Variants in CNTN5 observed in about 807,000 individuals in gnomAD.
CNTN5 encodes the protein contactin 5.
Under a neutral mutation model 129.1 loss-of-function variants are expected in CNTN5, and 77 were observed. The observed-to-expected ratio is 0.60, with a 90% confidence interval of 0.50 to 0.72. CNTN5 has a LOEUF of 0.72. CNTN5 is among the 30% of genes least tolerant of loss of function. The pLI is 0.00. For synonymous variants in CNTN5, 509 were observed against 465.6 expected, an observed-to-expected ratio of 1.09 and a Z score of -1.20; for missense variants, 1,478 against 1,328.8, an observed-to-expected ratio of 1.11 and a Z score of -1.75.
At position 99,458,096 on chromosome 11, in the gene CNTN5, A is replaced by G. The variant is rs1298309296; in HGVS notation, c.-70-98049A>G. Among the ~76,000 whole-genome samples, 6 of 151,946 alleles carry G rather than the reference A, an allele frequency of 3.9e-5. No homozygotes were observed. The East Asian group carries it at 9.6e-4, about 24-fold the overall frequency. On this transcript the variant is annotated intron_variant, in intron 2 of 24. Transcript: ENST00000524871. ...TTAAATTGTGACAAATTAATAACAA[A>G]GTATTATTTGTATTGCATCTGTTAA...
intron 20 of CNTN5, among the ~76,000 whole-genome samples, chr11:100,306,989 G>A (rs1488213283): frequency 6.6e-6 from 1 of 151,534 alleles, no homozygotes; most frequent in African/African-American, 2.4e-5. Flanking sequence ...CAAAGGTTTG[G>A]CCAAAAGAAA....
At chr11:100,288,667 A>T (rs1231105879) in intron 18 of CNTN5, among the ~76,000 whole-genome samples, 2 of 151,848 alleles carry the variant, frequency 1.3e-5, no homozygotes, top group South Asian at 4.2e-4. Context: ...GAAAGATCCA[A>T]AATTGACACC....
At chr11:99,216,550 A>G (rs1338036137) in intron 1 of CNTN5, among the ~76,000 whole-genome samples, 2 of 152,138 alleles carry the variant, frequency 1.3e-5, no homozygotes. Context: ...GATCTATCAT[A>G]TGCTGGATAA....
At chr11:99,925,829 C>T (rs1950048895) in intron 7 of CNTN5, among the ~76,000 whole-genome samples, 1 of 151,800 alleles carries the variant, frequency 6.6e-6, no homozygotes, top group African/African-American at 2.4e-5. Context: ...TATAAGTAAA[C>T]AAATCCAGAG....
At chr11:99,129,344 A>G (rs538487018) in intron 1 of CNTN5, among the ~76,000 whole-genome samples, 1 of 152,320 alleles carries the variant, frequency 6.6e-6, no homozygotes, top group African/African-American at 2.4e-5. Context: ...CAGGCAGAAG[A>G]GAGACTATCA....
chr11:100,178,521 G>A (rs1237854107), intron 13 of CNTN5, among the ~76,000 whole-genome samples: 2 of 152,132 alleles, frequency 1.3e-5, no homozygotes, highest in Non-Finnish European at 2.9e-5. Context: ...TAAATTGTTA[G>A]GACTTTATGG....
chr11:100,284,622 T>C (rs1201306494), intron 18 of CNTN5, among the ~76,000 whole-genome samples: 1 of 152,242 alleles, frequency 6.6e-6, no homozygotes, highest in East Asian at 1.9e-4. Flanking sequence ...TGTCATTTAA[T>C]TGAATTTTAA....
At chr11:100,013,954 G>T (rs1310780268) in intron 9 of CNTN5, among the ~76,000 whole-genome samples, 1 of 152,104 alleles carries the variant, frequency 6.6e-6, no homozygotes, top group Non-Finnish European at 1.5e-5. Flanking sequence ...AACTAAGCAT[G>T]CTCGTCATGT....
rs144389047 is a variant in CNTN5 at position 99,446,549 on chromosome 11, A to G, written c.-70-109596A>G. Among the ~76,000 whole-genome samples, 560 of 152,322 alleles carry G rather than the reference A, an allele frequency of 3.7e-3. 4 individuals carry two copies. Among genetic ancestry groups the G allele is most frequent in the African/African-American group, 0.013 (532 of 41,574 alleles). On this transcript the variant is annotated intron_variant, in intron 2 of 24. Coordinates refer to ENST00000524871, the MANE Select transcript of CNTN5 (RefSeq NM_014361.4). ...CTGCAAATAATAAAGATGTAAAGTT[A>G]GCCTTGAAATAACCTTGTTTTTATT...
At chr11:99,687,785 G>T (rs145297375) in intron 3 of CNTN5, among the ~76,000 whole-genome samples, 25 of 152,298 alleles carry the variant, frequency 1.6e-4, no homozygotes, top group Middle Eastern at 3.4e-3. Flanking sequence ...AAAAGTCTTG[G>T]TAATATGTCT....
intron 8 of CNTN5, among the ~76,000 whole-genome samples, chr11:99,996,092 C>T (rs1939426924): frequency 6.6e-6 from 1 of 152,112 alleles, no homozygotes; most frequent in Non-Finnish European, 1.5e-5. Flanking sequence ...ACTGACATTG[C>T]CAAATTCCCC....
intron 2 of CNTN5, among the ~76,000 whole-genome samples, chr11:99,533,892 C>T (rs1390095383): frequency 6.6e-6 from 1 of 152,116 alleles, no homozygotes; most frequent in Non-Finnish European, 1.5e-5. Context: ...ATTGCAGGGT[C>T]CATACTCATA....
chr11:99,498,426 T>A (rs1053578438), intron 2 of CNTN5, among the ~76,000 whole-genome samples: 1 of 152,146 alleles, frequency 6.6e-6, no homozygotes, highest in Non-Finnish European at 1.5e-5. Context: ...TTCCAACTAA[T>A]TTTTTTATTC....
chr11:99,753,926 G>C (rs1944323087), intron 3 of CNTN5, among the ~76,000 whole-genome samples: 1 of 149,290 alleles, frequency 6.7e-6, no homozygotes, highest in Non-Finnish European at 1.5e-5. Flanking sequence ...AAGCTCAAGT[G>C]ATCTGCCCGC....
At chr11:99,337,572 C>A (rs991169560) in intron 2 of CNTN5, among the ~76,000 whole-genome samples, 1 of 152,184 alleles carries the variant, frequency 6.6e-6, no homozygotes, top group African/African-American at 2.4e-5. Flanking sequence ...CTGCCCTGGA[C>A]GGACCAGGTG....
chr11:99,954,748 G>A (rs1038177675), intron 7 of CNTN5, among the ~76,000 whole-genome samples: 1 of 152,058 alleles, frequency 6.6e-6, no homozygotes, highest in African/African-American at 2.4e-5. Flanking sequence ...TTTCATTTTT[G>A]GCACTGGCAG....
intron 9 of CNTN5, among the ~76,000 whole-genome samples, chr11:100,007,258 C>T (rs921897664): frequency 1.3e-5 from 2 of 151,996 alleles, no homozygotes; most frequent in Non-Finnish European, 2.9e-5. Context: ...TGAGCATTGG[C>T]TTCAGATTCA....
chr11:99,676,436 C>T (rs975723650), intron 3 of CNTN5, among the ~76,000 whole-genome samples: 4 of 152,140 alleles, frequency 2.6e-5, no homozygotes, highest in African/African-American at 9.7e-5. Context: ...CTTTTTGTCA[C>T]ATTATGGGAT....
At chr11:99,490,700 A>G (rs189818562) in intron 2 of CNTN5, among the ~76,000 whole-genome samples, 3 of 152,278 alleles carry the variant, frequency 2.0e-5, no homozygotes, top group Non-Finnish European at 2.9e-5. Context: ...GATGTCCCCA[A>G]AGAAACCAGA....
Sources: gnomAD v4.1 joint callset for allele counts (sites outside exome capture counted in the v4.1 genomes callset) on GRCh38, gnomAD v4.1.1 for gene constraint, MANE v1.5 for transcripts, NCBI Gene and HGNC (gene_info 2026-07-23, HGNC 2026-07-21) for gene names.